Variants in TAOK3 observed in about 807,000 individuals in gnomAD.
The protein encoded by TAOK3 is serine/threonine-protein kinase TAO3.
A neutral mutation model predicts 120.4 loss-of-function variants in TAOK3; 40 were observed. The ratio of observed to expected loss-of-function variants is 0.33; its 90% CI spans 0.26 to 0.43. TAOK3 has a LOEUF of 0.43. Ranked by LOEUF, TAOK3 falls within the 20% of genes least tolerant of loss-of-function variation. The pLI is 1.00. For synonymous variants in TAOK3, 355 were observed against 387.5 expected, an observed-to-expected ratio of 0.92 and a Z score of 0.99; for missense variants, 821 against 1,112.1, an observed-to-expected ratio of 0.74 and a Z score of 3.72.
At position 118,213,999 on chromosome 12, in the gene TAOK3, A is replaced by G. The variant is rs1456781229; in HGVS notation, c.737+18T>C. 8.2e-6 allele frequency: 13 copies of G among 1,591,754 alleles called. 1 individual carries two copies. The highest frequency in any genetic ancestry group is 1.0e-5 in the Non-Finnish European group (12 of 1,161,354). On this transcript the variant is annotated intron_variant, in intron 10 of 20. Coordinates refer to ENST00000392533, the MANE Select transcript of TAOK3 (RefSeq NM_016281.4). ...ACGGTGATTTTCTTAGAGATTTAAA[A>G]TGATAGCAGAGTCTTACCATTCATT... is the stretch of plus-strand genomic sequence containing the variant.
chr12:118,167,289 G>A (rs188161626), intron 17 of TAOK3, among the ~76,000 whole-genome samples: 4 of 152,066 alleles, frequency 2.6e-5, no homozygotes, highest in Admixed American at 2.6e-4. Flanking sequence ...CTTTGTTGGT[G>A]GGAGTATAAA....
intron 1 of TAOK3, among the ~76,000 whole-genome samples, chr12:118,274,197 A>C (rs2041827256): frequency 6.6e-6 from 1 of 152,186 alleles, no homozygotes; most frequent in Admixed American, 6.5e-5. Flanking sequence ...ACCAATATTT[A>C]ACTATTATCC....
At chr12:118,210,294 A>C (rs1434170660) in intron 11 of TAOK3, among the ~76,000 whole-genome samples, 3 of 152,134 alleles carry the variant, frequency 2.0e-5, no homozygotes, top group African/African-American at 7.2e-5. Flanking sequence ...GCATTGCCTA[A>C]ATGTGTGGGG....
intron 14 of TAOK3, among the ~76,000 whole-genome samples, chr12:118,184,538 G>GA (rs2036956274): frequency 6.6e-6 from 1 of 152,036 alleles, no homozygotes; most frequent in Non-Finnish European, 1.5e-5. Context: ...GATTCCTATG[G>GA]TTCTTGAATT....
chr12:118,233,309 G>A (rs967550039), intron 9 of TAOK3, among the ~76,000 whole-genome samples: 1 of 151,010 alleles, frequency 6.6e-6, no homozygotes, highest in Non-Finnish European at 1.5e-5. Context: ...GTTAAATGAC[G>A]AGTTAATGGA....
chr12:118,151,347 G>A (rs1262005220), intron 20 of TAOK3, among the ~76,000 whole-genome samples, 189 bp from the exon 21 acceptor site: 1 of 152,034 alleles, frequency 6.6e-6, no homozygotes, highest in Non-Finnish European at 1.5e-5. Context: ...GAGGAAGGCT[G>A]GCTGAGTCCT....
At chr12:118,312,138 A>C (rs1401594257) in intron 1 of TAOK3, among the ~76,000 whole-genome samples, 1 of 152,166 alleles carries the variant, frequency 6.6e-6, no homozygotes, top group Non-Finnish European at 1.5e-5. Flanking sequence ...TATAATTGTA[A>C]ATCTATAATT....
chr12:118,152,175 G>A, intron 20 of TAOK3, 52 bp downstream of exon 20: 1 of 1,560,682 alleles, frequency 6.4e-7, no homozygotes, highest in Non-Finnish European at 8.8e-7. Flanking sequence ...AGTTCCCTCA[G>A]CCACGCCCCC....
chr12:118,216,465 G>T (rs949981373), intron 9 of TAOK3, among the ~76,000 whole-genome samples: 9 of 152,102 alleles, frequency 5.9e-5, no homozygotes, highest in African/African-American at 1.9e-4. Flanking sequence ...AAGAGCACAA[G>T]ATCTTATAAC....
At chr12:118,217,749 TTTATGTATATATATGTA>T (rs1253344516) in intron 9 of TAOK3, among the ~76,000 whole-genome samples, 2 of 146,078 alleles carry the variant, frequency 1.4e-5, no homozygotes, top group Non-Finnish European at 3.0e-5. Context: ...GACAGTTAAT[TTTATGTATATATATGTA>T]TTTTATGTAT....
intron 1 of TAOK3, among the ~76,000 whole-genome samples, chr12:118,302,120 G>A (rs945322879): frequency 3.9e-5 from 6 of 152,162 alleles, no homozygotes; most frequent in African/African-American, 1.4e-4. Context: ...TCATCTTTAA[G>A]TGGAGAAAGT....
chr12:118,174,886 T>A (rs1030504248), intron 16 of TAOK3, among the ~76,000 whole-genome samples: 1 of 152,148 alleles, frequency 6.6e-6, no homozygotes, highest in African/African-American at 2.4e-5. Context: ...GGTCTTGAAC[T>A]CCTGACCTCA....
Position 118,238,084 on chromosome 12 carries a change from T to C in TAOK3, c.426A>G (p.Ala142=), listed in dbSNP as rs376343792. ...LHGLAYLHSH[A]LIHRDIKAGN... ...GTCTCTAATCTTACCTATGAATCAA[T>C]GCATGAGAATGTAGGTAGGCTAGTC... Residue 142 remains alanine, a synonymous_variant, in exon 7 of 21, where the codon GCA becomes GCG. Coordinates refer to ENST00000392533, the MANE Select transcript of TAOK3 (RefSeq NM_016281.4). 34 of 1,599,900 alleles carry C rather than the reference T, an allele frequency of 2.1e-5. No homozygotes were observed. The African/African-American group carries it at 4.0e-4, about 19-fold the overall frequency.
chr12:118,303,991 C>G (rs1438542436), intron 1 of TAOK3, among the ~76,000 whole-genome samples: 1 of 152,214 alleles, frequency 6.6e-6, no homozygotes. Flanking sequence ...TAACTTCTCT[C>G]TTTACACTCC....
intron 8 of TAOK3, 115 bp downstream of exon 8, chr12:118,235,443 C>G: frequency 1.4e-6 from 1 of 689,760 alleles, no homozygotes; most frequent in Non-Finnish European, 2.5e-6. Context: ...CAAATGAAAC[C>G]TCGTTTTGAG....
At chr12:118,350,057 G>A (rs1158918192) in intron 1 of TAOK3, among the ~76,000 whole-genome samples, 1 of 152,108 alleles carries the variant, frequency 6.6e-6, no homozygotes, top group East Asian at 1.9e-4. Flanking sequence ...TAGTTATTTT[G>A]CATGCCTAAA....
In TAOK3 at chr12:118,151,425, C is replaced by A. The variant is rs141551358; in HGVS notation, c.2536-267G>T. Among the ~76,000 whole-genome samples, 25 of 152,252 alleles carry A rather than the reference C, an allele frequency of 1.6e-4. No individual in the cohort carries two copies. In the East Asian group the frequency reaches 4.4e-3, roughly 27 times the overall value. ...AAGAATATCAATGTTTGGGGTCCACCTGGGGCTGGCAATGCCGTTCTAGCA... is the reference window on the plus strand; with the variant it reads ...AAGAATATCAATGTTTGGGGTCCACATGGGGCTGGCAATGCCGTTCTAGCA... On this transcript the variant is annotated intron_variant, in intron 20 of 20. Transcript: ENST00000392533.
At chr12:118,221,107 C>T (rs908036099) in intron 9 of TAOK3, among the ~76,000 whole-genome samples, 13 of 152,252 alleles carry the variant, frequency 8.5e-5, no homozygotes, top group South Asian at 8.3e-4. Flanking sequence ...CCTCCAGCGG[C>T]AAAGTTGAGT....
At chr12:118,336,854 T>C (rs561041583) in intron 1 of TAOK3, among the ~76,000 whole-genome samples, 1 of 152,290 alleles carries the variant, frequency 6.6e-6, no homozygotes, top group South Asian at 2.1e-4. Context: ...GGAGGATCAC[T>C]TGAGGCCAGG....
Sources: gnomAD v4.1 joint callset for allele counts (sites outside exome capture counted in the v4.1 genomes callset) on GRCh38, gnomAD v4.1.1 for gene constraint, MANE v1.5 for transcripts, NCBI Gene and HGNC (gene_info 2026-07-23, HGNC 2026-07-21) for gene names.